The following COPRS variants were observed in gnomAD, a reference collection of about 807,000 sequenced individuals.
COPRS encodes cooperator of PRMT5.
COPRS carries 11 observed loss-of-function variants against 19.9 expected under a neutral mutation model. That is an observed-to-expected ratio of 0.55 (90% CI 0.35 to 0.92). COPRS has a LOEUF of 0.92. COPRS is among the 40% of genes least tolerant of loss of function. The pLI, the probability that COPRS is intolerant of heterozygous loss-of-function variation, is 0.01. For missense variants in COPRS, 225 were observed against 229.9 expected, an observed-to-expected ratio of 0.98 and a Z score of 0.14; for synonymous variants, 81 against 82.7, an observed-to-expected ratio of 0.98 and a Z score of 0.11.
At chr17:31,857,200 C>T (rs1011454541) in intron 1 of COPRS, among the ~76,000 whole-genome samples, 2 of 152,150 alleles carry the variant, frequency 1.3e-5, no homozygotes, top group African/African-American at 4.8e-5. Context: ...AGGTCTGGGT[C>T]TCAGGACTCT....
At position 31,852,864 on chromosome 17, in the gene COPRS, A is replaced by T. The variant is rs2142273114; in HGVS notation, c.333T>A (p.Leu111=). The change falls in exon 3 of 4, where the codon CTT becomes CTA. Residue 111 remains leucine, a synonymous_variant. Transcript: ENST00000302362. The part of the protein sequence containing the change: ...NCPPKEQPGD[L]FNEDWDSELK... Reference sequence around the variant, plus strand: ...ACTCCGAGTCCCAGTCCTCATTAAAAAGATCGCCAGGCTGTTCCTTGGGTG... The same window carrying T: ...ACTCCGAGTCCCAGTCCTCATTAAATAGATCGCCAGGCTGTTCCTTGGGTG... 6.2e-7 allele frequency: 1 copy of T among 1,614,200 alleles called. No individual in the cohort carries two copies. The highest frequency in any genetic ancestry group is 8.5e-7 in the Non-Finnish European group (1 of 1,180,018).
chr17:31,856,685 A>AG lies in COPRS; in HGVS notation c.166+113dup. ...AGGTTACTGTTCAACTGGGCAGAGA[A>AG]GGCCACTAAGCAGCAGAGAGGACTG... is the stretch of plus-strand genomic sequence containing the variant. On this transcript the variant is annotated intron_variant, in intron 2 of 3. Coordinates refer to ENST00000302362, the MANE Select transcript of COPRS (RefSeq NM_018405.4). 6.5e-6 allele frequency: 5 copies of AG among 767,664 alleles called. No individual in the cohort carries two copies. The East Asian group carries it at 1.2e-4, about 19-fold the overall frequency. 47.6% of individuals were successfully genotyped at this position (767,664 alleles called of 1,614,324 possible).
chr17:31,858,630 T>A, intron 1 of COPRS: 1 of 1,108,730 alleles, frequency 9.0e-7, no homozygotes, highest in Non-Finnish European at 1.3e-6. Context: ...ACAGGGCCTT[T>A]CTGGTTTCAG....
At position 31,859,236 on chromosome 17, in the gene COPRS, G is replaced by A. The variant is rs1909463917; in HGVS notation, c.-37C>T. The A allele has an allele frequency of 2.1e-6, 2 of 949,812 alleles. No homozygotes were observed. Among genetic ancestry groups the A allele is most frequent in the Non-Finnish European group, 2.6e-6 (2 of 780,570 alleles). The allele number at this position is 949,812 out of a possible 1,614,324, so 58.8% of individuals were successfully genotyped here. On this transcript the variant is annotated 5_prime_UTR_variant, in exon 1 of 4. Coordinates refer to ENST00000302362, the MANE Select transcript of COPRS (RefSeq NM_018405.4). ...CGCGGCTGGTCGCCCTGGACGCCGTGGGCCACGTGACGCGCCGGCCCGGCT... is the reference window on the plus strand; with the variant it reads ...CGCGGCTGGTCGCCCTGGACGCCGTAGGCCACGTGACGCGCCGGCCCGGCT...
chr17:31,859,007 T>TCCCCGGCCCCGCGGC, intron 1 of COPRS, 94 bp downstream of exon 1: 1 of 1,220,718 alleles, frequency 8.2e-7, no homozygotes, highest in Non-Finnish European at 1.0e-6. Flanking sequence ...CAGAGGCGCT[T>TCCCCGGCCCCGCGGC]CCCCGGCCCC....
chr17:31,855,593 C>T (rs112272042), intron 2 of COPRS, among the ~76,000 whole-genome samples: 2,007 of 150,894 alleles, frequency 0.013, 22 homozygotes, highest in African/African-American at 0.022. Flanking sequence ...GGCTGAGGCA[C>T]GAGAATCACT....
chr17:31,859,070 C>CT (rs1466483525), intron 1 of COPRS, 31 bp downstream of exon 1: 2 of 1,145,580 alleles, frequency 1.7e-6, no homozygotes, highest in Admixed American at 9.0e-5. Context: ...CTGCGGCTGG[C>CT]TGTTGCTCCT....
intron 3 of COPRS, 140 bp from the exon 4 acceptor site, chr17:31,852,448 T>C: frequency 1.5e-6 from 1 of 657,098 alleles, no homozygotes; most frequent in Non-Finnish European, 2.6e-6. Flanking sequence ...TCTCCTTTCC[T>C]GAAGAATTGT....
chr17:31,856,766 T>C, intron 2 of COPRS, 33 bp downstream of exon 2: 1 of 1,340,036 alleles, frequency 7.5e-7, no homozygotes, highest in South Asian at 1.2e-5. Flanking sequence ...ACATCCTTGG[T>C]CTCCCCAACT....
intron 2 of COPRS, among the ~76,000 whole-genome samples, chr17:31,855,344 A>G (rs1909305295): frequency 6.6e-6 from 1 of 152,080 alleles, no homozygotes; most frequent in Non-Finnish European, 1.5e-5. Flanking sequence ...TATCTCTACT[A>G]AAAACACAAA....
intron 3 of COPRS, 66 bp from the exon 4 acceptor site, chr17:31,852,374 C>A (rs1170460213): frequency 3.7e-6 from 5 of 1,339,702 alleles, no homozygotes; most frequent in Admixed American, 2.1e-5. Flanking sequence ...TAAAAACGGA[C>A]AGCCAAAAAG....
intron 1 of COPRS, 73 bp downstream of exon 1, chr17:31,859,028 C>A: frequency 8.5e-7 from 1 of 1,178,770 alleles, no homozygotes; most frequent in Non-Finnish European, 1.0e-6. Context: ...GCGGCCCCCG[C>A]CCAGCCCGGC....
At chr17:31,857,373 C>T (rs796143500) in intron 1 of COPRS, among the ~76,000 whole-genome samples, 4 of 152,298 alleles carry the variant, frequency 2.6e-5, no homozygotes, top group African/African-American at 9.6e-5. Flanking sequence ...CTGCGGTTGC[C>T]ACCCCCAGGT....
intron 1 of COPRS, chr17:31,858,888 G>T: frequency 2.0e-6 from 3 of 1,527,714 alleles, no homozygotes; most frequent in Non-Finnish European, 2.6e-6. Flanking sequence ...GCCCACCCAC[G>T]CCCTCGGCTT....
rs779537661 is a variant in COPRS at position 31,856,900 on chromosome 17, G to A, written c.100-35C>T. On this transcript the variant is annotated intron_variant, in intron 1 of 3. Coordinates refer to ENST00000302362, the MANE Select transcript of COPRS (RefSeq NM_018405.4). Reference sequence around the variant, plus strand: ...GAAGAAATGATTACCAAGGACTTGGGTATCTGGGGTATGCCCAGTATTCAG... The same window carrying A: ...GAAGAAATGATTACCAAGGACTTGGATATCTGGGGTATGCCCAGTATTCAG... The A allele has an allele frequency of 1.5e-5, 20 of 1,294,284 alleles. No homozygotes were observed. The Admixed American group carries it at 2.2e-4, about 14-fold the overall frequency. The allele number at this position is 1,294,284 out of a possible 1,614,324, so 80.2% of individuals were successfully genotyped here.
At position 31,852,866 on chromosome 17, in the gene COPRS, G is replaced by A; in HGVS notation, c.331C>T (p.Leu111Phe). 6.2e-7 allele frequency: 1 copy of A among 1,614,158 alleles called. No individual in the cohort carries two copies. The highest frequency in any genetic ancestry group is 8.5e-7 in the Non-Finnish European group (1 of 1,180,010). Residue 111 changes from leucine to phenylalanine, a missense_variant, in exon 3 of 4, where the codon CTT (leucine) becomes TTT (phenylalanine). Transcript: ENST00000302362. ...NCPPKEQPGD[L>F]FNEDWDSELK... ...TCCGAGTCCCAGTCCTCATTAAAAA[G>A]ATCGCCAGGCTGTTCCTTGGGTGGA...
intron 2 of COPRS, among the ~76,000 whole-genome samples, chr17:31,856,132 C>T (rs559476858): frequency 6.6e-5 from 10 of 152,052 alleles, no homozygotes; most frequent in Admixed American, 2.0e-4. Context: ...ATCAGGAGTT[C>T]GAGACCAGCC....
chr17:31,858,404 A>G, intron 1 of COPRS: 1 of 985,376 alleles, frequency 1.0e-6, no homozygotes, highest in South Asian at 4.7e-5. Flanking sequence ...GGCATCATTC[A>G]TCCAGTCGGT....
chr17:31,857,013 T>C (rs1909379216), intron 1 of COPRS, 148 bp from the exon 2 acceptor site: 4 of 671,708 alleles, frequency 6.0e-6, no homozygotes, highest in Non-Finnish European at 7.9e-6. Flanking sequence ...TACTTTGCCC[T>C]GTTAAACTGA....
Sources: allele counts gnomAD v4.1 joint callset (sites outside exome capture counted in the v4.1 genomes callset), GRCh38; gene constraint gnomAD v4.1.1; transcripts MANE v1.5; gene names NCBI Gene and HGNC (gene_info 2026-07-23, HGNC 2026-07-21).